Variants in OPCML observed in about 807,000 individuals in gnomAD.
OPCML encodes the protein opioid-binding protein/cell adhesion molecule.
A neutral mutation model predicts 37.8 loss-of-function variants in OPCML; 13 were observed. The ratio of observed to expected loss-of-function variants is 0.34; its 90% CI spans 0.22 to 0.55. OPCML has a LOEUF of 0.55. Ranked by LOEUF, OPCML falls within the 20% of genes least tolerant of loss-of-function variation. The pLI is 0.91. For missense variants in OPCML, 341 were observed against 435.6 expected (o/e 0.78, Z 1.93); for synonymous variants, 176 against 168.8 (o/e 1.04, Z -0.33).
intron 1 of OPCML, among the ~76,000 whole-genome samples, chr11:133,120,860 C>T (rs1480888081): frequency 6.6e-6 from 1 of 152,122 alleles, no homozygotes; most frequent in East Asian, 1.9e-4. Context: ...AGATACTGAA[C>T]ACCATCAGTT....
chr11:133,050,236 T>C (rs1391688136), intron 1 of OPCML, among the ~76,000 whole-genome samples: 2 of 152,216 alleles, frequency 1.3e-5, no homozygotes, highest in Non-Finnish European at 2.9e-5. Context: ...CTAAGAACTT[T>C]GGTCTTGTGT....
At chr11:132,471,373 G>A (rs1438380648) in intron 4 of OPCML, among the ~76,000 whole-genome samples, 1 of 152,136 alleles carries the variant, frequency 6.6e-6, no homozygotes, top group South Asian at 2.1e-4. Context: ...CATACCCCAG[G>A]CTTAGTAGTT....
chr11:132,520,346 T>A (rs1450184218), intron 4 of OPCML, among the ~76,000 whole-genome samples: 1 of 152,188 alleles, frequency 6.6e-6, no homozygotes, highest in East Asian at 1.9e-4. Context: ...TGTGATTCAT[T>A]TGTCATTACT....
At chr11:133,005,362 C>G in intron 1 of OPCML, 1 of 985,396 alleles carries the variant, frequency 1.0e-6, no homozygotes, top group Non-Finnish European at 1.2e-6. Flanking sequence ...TAGACACATA[C>G]AGCAAATGCC....
intron 2 of OPCML, among the ~76,000 whole-genome samples, chr11:132,775,875 A>C (rs535450659): frequency 4.6e-5 from 7 of 152,220 alleles, no homozygotes; most frequent in Admixed American, 4.6e-4. Context: ...TAGATATATA[A>C]GTTAAAGTAC....
chr11:133,314,096 G>A (rs949832035), intron 1 of OPCML, among the ~76,000 whole-genome samples: 20 of 138,692 alleles, frequency 1.4e-4, no homozygotes, highest in African/African-American at 3.5e-4. Context: ...TTAGCCGGGC[G>A]TAGTGGCGGG....
At chr11:133,381,042 C>T (rs2136780158) in intron 1 of OPCML, among the ~76,000 whole-genome samples, 1 of 152,340 alleles carries the variant, frequency 6.6e-6, no homozygotes, top group African/African-American at 2.4e-5. Flanking sequence ...GTGCTACACC[C>T]AGAGTGTGGA....
intron 1 of OPCML, among the ~76,000 whole-genome samples, chr11:133,471,186 A>T (rs868409751): frequency 3.9e-5 from 6 of 152,362 alleles, no homozygotes; most frequent in African/African-American, 1.2e-4. Context: ...GGGAGGGATC[A>T]CTGGGAGGTT....
intron 1 of OPCML, chr11:133,439,501 T>G: frequency 1.1e-6 from 1 of 924,834 alleles, no homozygotes. Context: ...GGAGTCTCAC[T>G]CTGTCGCCCA....
At chr11:132,598,503 G>A (rs2096496114) in intron 3 of OPCML, among the ~76,000 whole-genome samples, 1 of 152,070 alleles carries the variant, frequency 6.6e-6, no homozygotes. Flanking sequence ...ATGAAAACAA[G>A]TATCAACACA....
intron 7 of OPCML, among the ~76,000 whole-genome samples, chr11:132,425,432 GGAA>G (rs2095974830): frequency 6.6e-6 from 1 of 152,168 alleles, no homozygotes; most frequent in South Asian, 2.1e-4. Context: ...TCCAATAGCA[GGAA>G]GACTTTGGAC....
chr11:132,496,613 CAG>C (rs2096232061), intron 4 of OPCML, among the ~76,000 whole-genome samples: 1 of 152,176 alleles, frequency 6.6e-6, no homozygotes, highest in African/African-American at 2.4e-5. Context: ...CTGATTCTGA[CAG>C]AGCTCTCATC....
intron 1 of OPCML, among the ~76,000 whole-genome samples, chr11:133,270,515 A>G (rs1941798220): frequency 1.3e-5 from 2 of 152,166 alleles, no homozygotes; most frequent in South Asian, 4.1e-4. Flanking sequence ...CTAAGTACCA[A>G]TGACATTTTT....
chr11:132,451,732 G>T (rs1458392739), intron 4 of OPCML, among the ~76,000 whole-genome samples: 1 of 152,146 alleles, frequency 6.6e-6, no homozygotes, highest in Non-Finnish European at 1.5e-5. Context: ...GGTGGAAGGT[G>T]TGGGCCATCC....
intron 1 of OPCML, among the ~76,000 whole-genome samples, chr11:133,155,402 G>C (rs959680180): frequency 6.6e-6 from 1 of 151,978 alleles, no homozygotes; most frequent in Non-Finnish European, 1.5e-5. Context: ...TTCACCACCC[G>C]TCTCCTTCTT....
rs189335702 is a variant in OPCML at position 132,727,463 on chromosome 11, C to T, written c.147-70144G>A. On this transcript the variant is annotated intron_variant, in intron 2 of 7. Coordinates refer to ENST00000524381, the MANE Select transcript of OPCML (RefSeq NM_001012393.5). ...GGGCTCTCCTGGGGAGGAAAGAGCT[C>T]TGTTGTCACCCCTATAGCCATGGGC... Among the ~76,000 whole-genome samples, 542 of 152,306 alleles carry T rather than the reference C, an allele frequency of 3.6e-3. 4 individuals carry two copies. Among genetic ancestry groups the T allele is most frequent in the African/African-American group, 0.013 (521 of 41,580 alleles).
At chr11:133,387,382 T>A (rs1945077468) in intron 1 of OPCML, among the ~76,000 whole-genome samples, 2 of 152,154 alleles carry the variant, frequency 1.3e-5, no homozygotes, top group Admixed American at 1.3e-4. Context: ...GGGTGTTACA[T>A]GGCCTGCATT....
intron 4 of OPCML, among the ~76,000 whole-genome samples, chr11:132,477,509 T>A (rs2096160990): frequency 6.6e-6 from 1 of 152,178 alleles, no homozygotes. Context: ...ATACCTTCTG[T>A]GTTGGAAGCA....
chr11:132,791,501 G>A (rs1441450275), intron 2 of OPCML, among the ~76,000 whole-genome samples: 1 of 152,102 alleles, frequency 6.6e-6, no homozygotes, highest in Non-Finnish European at 1.5e-5. Flanking sequence ...CTGGATAGGG[G>A]ACTGGCCTTG....
Sources: gnomAD v4.1 joint callset for allele counts (sites outside exome capture counted in the v4.1 genomes callset) on GRCh38, gnomAD v4.1.1 for gene constraint, MANE v1.5 for transcripts, NCBI Gene and HGNC (gene_info 2026-07-23, HGNC 2026-07-21) for gene names.